The following HPSE2 variants were observed in gnomAD, a reference collection of about 807,000 sequenced individuals.
The protein encoded by HPSE2 is heparanase 2 (inactive).
In HPSE2, 38 loss-of-function variants were observed where a neutral mutation model predicts 60.5. The ratio of observed to expected loss-of-function variants is 0.63; its 90% CI spans 0.48 to 0.82. The LOEUF is 0.82. HPSE2 is among the 40% of genes least tolerant of loss of function. The pLI is 0.00. For synonymous variants in HPSE2, 295 were observed against 293.2 expected (o/e 1.01, Z -0.06); for missense variants, 713 against 740.4 (o/e 0.96, Z 0.43).
chr10:99,048,338 G>T, intron 3 of HPSE2: 2 of 342,256 alleles, frequency 5.8e-6, no homozygotes, highest in Non-Finnish European at 1.1e-5. Context: ...AAGCTGGTCA[G>T]TTAATAAATA....
chr10:98,670,335 T>C (rs971131664), intron 6 of HPSE2, among the ~76,000 whole-genome samples: 2 of 152,332 alleles, frequency 1.3e-5, no homozygotes, highest in African/African-American at 4.8e-5. Flanking sequence ...TCTATTGCAA[T>C]AGTCTGGGGA....
At chr10:98,649,798 A>T (rs764076828) in intron 6 of HPSE2, among the ~76,000 whole-genome samples, 2 of 152,230 alleles carry the variant, frequency 1.3e-5, no homozygotes, top group African/African-American at 2.4e-5. Context: ...AAGTTTAGGA[A>T]ATGCTGGGTT....
chr10:99,119,092 A>AAAGAGAGGGAGG (rs1338935788), intron 3 of HPSE2, among the ~76,000 whole-genome samples: 1 of 41,610 alleles, frequency 2.4e-5, no homozygotes. Flanking sequence ...AAAGAAAGAG[A>AAAGAGAGGGAGG]GAGAGAGGGA....
intron 9 of HPSE2, among the ~76,000 whole-genome samples, chr10:98,564,369 ATTT>A (rs1944278257): frequency 6.6e-6 from 1 of 152,160 alleles, no homozygotes; most frequent in Non-Finnish European, 1.5e-5. Flanking sequence ...ATTTATAGGC[ATTT>A]TTTTGAGGAT....
Position 98,908,683 on chromosome 10 carries a change from CAAAAAAAAA to C in HPSE2, c.611-164636_611-164628del, listed in dbSNP as rs35913499. Among the ~76,000 whole-genome samples, 15 of 66,126 alleles carry C rather than the reference CAAAAAAAAA, an allele frequency of 2.3e-4. No individual in the cohort carries two copies. In the East Asian group the frequency reaches 7.0e-3, roughly 31 times the overall value. The allele number at this position is 66,126 out of a possible 152,430, so 43.4% of individuals were successfully genotyped here. A position where few individuals can be genotyped will look rare whatever the true frequency, so the allele number is the denominator to read the frequency against. ...AGGCAACAAGAGCGTAGCTCCATCT[CAAAAAAAAA>C]AAAAAAAAAAAAAAAAAGATGGTAT... On this transcript the variant is annotated intron_variant, in intron 3 of 11. Transcript: ENST00000370552.
chr10:98,480,325 C>T (rs985322389), intron 11 of HPSE2, among the ~76,000 whole-genome samples: 2 of 152,180 alleles, frequency 1.3e-5, no homozygotes, highest in East Asian at 3.9e-4. Flanking sequence ...CTCAAGTAAT[C>T]CCCCCGCCTC....
chr10:99,185,784 A>T (rs192829291), intron 2 of HPSE2, among the ~76,000 whole-genome samples: 3 of 152,072 alleles, frequency 2.0e-5, no homozygotes, highest in Admixed American at 2.0e-4. Flanking sequence ...AAAAAAAAAG[A>T]AAAAGAAAAA....
intron 2 of HPSE2, among the ~76,000 whole-genome samples, chr10:99,198,026 G>A (rs1848458964): frequency 6.6e-6 from 1 of 151,146 alleles, no homozygotes; most frequent in African/African-American, 2.4e-5. Flanking sequence ...AGCCAAGATC[G>A]TGCCACACTC....
chr10:98,957,588 A>G (rs1211665537), intron 3 of HPSE2, among the ~76,000 whole-genome samples: 2 of 152,280 alleles, frequency 1.3e-5, no homozygotes, highest in Admixed American at 6.5e-5. Context: ...CATCCAATTT[A>G]TCTAAGTCTT....
At chr10:99,022,019 C>T (rs1281966781) in intron 3 of HPSE2, among the ~76,000 whole-genome samples, 1 of 148,728 alleles carries the variant, frequency 6.7e-6, no homozygotes, top group Non-Finnish European at 1.5e-5. Context: ...TTAGGTATAT[C>T]TCCTAATGCT....
chr10:98,826,984 C>CA (rs1372989727), intron 3 of HPSE2, among the ~76,000 whole-genome samples: 1 of 151,868 alleles, frequency 6.6e-6, no homozygotes, highest in Non-Finnish European at 1.5e-5. Flanking sequence ...CTCATCACTA[C>CA]AAAATTTTTT....
chr10:98,593,142 G>A (rs1945135959), intron 9 of HPSE2, among the ~76,000 whole-genome samples: 1 of 152,116 alleles, frequency 6.6e-6, no homozygotes, highest in African/African-American at 2.4e-5. Flanking sequence ...TGTTTAAAAG[G>A]AAAAATTGAT....
rs1204249166 is a variant in HPSE2, at chr10:99,128,077, C to A, written c.610+16161G>T. Among the ~76,000 whole-genome samples the A allele has an allele frequency of 2.0e-5, 3 of 152,190 alleles. No individual in the cohort carries two copies. In the East Asian group the frequency reaches 5.8e-4, roughly 29 times the overall value. ...TCATAGGGTCTATAAAACAATAACA[C>A]AATGGGGAAAAAAACACAAGGTATT... On this transcript the variant is annotated intron_variant, in intron 3 of 11. Transcript: ENST00000370552.
intron 3 of HPSE2, among the ~76,000 whole-genome samples, chr10:99,130,800 A>G (rs553372238): frequency 3.4e-4 from 51 of 152,220 alleles, no homozygotes; most frequent in Non-Finnish European, 6.6e-4. Context: ...AAATTCCTGG[A>G]AACTGTGGAT....
rs11393115 is a variant in HPSE2 at position 98,511,130 on chromosome 10, GTTT to G, written c.1321-20937_1321-20935del. 4.3e-5 allele frequency among the ~76,000 whole-genome samples: 6 copies of G among 139,086 alleles called. No homozygotes were observed. In the East Asian group the frequency reaches 7.2e-4, roughly 17 times the overall value. The allele number at this position is 139,086 out of a possible 152,430, so 91.2% of individuals were successfully genotyped here. ...TTAATGAAGTATTTAATGTGTTGCT[GTTT>G]TTTTTTTGTTTGTTTTTGTTTTTTG... On this transcript the variant is annotated intron_variant, in intron 9 of 11. Transcript: ENST00000370552.
At chr10:99,167,396 T>C (rs536528478) in intron 2 of HPSE2, among the ~76,000 whole-genome samples, 104 of 152,330 alleles carry the variant, frequency 6.8e-4, no homozygotes, top group African/African-American at 2.4e-3. Context: ...TTTATAAGTG[T>C]TGTGTTTTAC....
chr10:99,204,374 T>C (rs1848674806), intron 2 of HPSE2, among the ~76,000 whole-genome samples: 1 of 152,150 alleles, frequency 6.6e-6, no homozygotes, highest in Non-Finnish European at 1.5e-5. Flanking sequence ...CCAGATAACC[T>C]TCCCTGAATC....
At chr10:98,738,518 C>T (rs1000626945) in intron 4 of HPSE2, among the ~76,000 whole-genome samples, 1 of 152,122 alleles carries the variant, frequency 6.6e-6, no homozygotes, top group Non-Finnish European at 1.5e-5. Context: ...GCAAAAGAAA[C>T]TATCATCAGA....
At chr10:99,267,455 T>C in the HPSE2 span, among the ~76,000 whole-genome samples, 24 of 152,174 alleles carry the variant, frequency 1.6e-4, no homozygotes, top group African/African-American at 5.8e-4. Flanking sequence ...TTTTTTTAAA[T>C]GAACAAAGCC....
Sources: allele counts gnomAD v4.1 joint callset (sites outside exome capture counted in the v4.1 genomes callset), GRCh38; gene constraint gnomAD v4.1.1; transcripts MANE v1.5; gene names NCBI Gene and HGNC (gene_info 2026-07-23, HGNC 2026-07-21).